The following EIF3L variants were observed in gnomAD, a reference collection of about 807,000 sequenced individuals.
EIF3L encodes eukaryotic translation initiation factor 3 subunit L.
EIF3L carries 32 observed loss-of-function variants against 74.6 expected under a neutral mutation model. The observed-to-expected ratio is 0.43, with a 90% confidence interval of 0.32 to 0.58. EIF3L has a LOEUF of 0.58. EIF3L is among the 20% of genes least tolerant of loss of function. The pLI is 0.06. For synonymous variants in EIF3L, 256 were observed against 254.4 expected (o/e 1.01, Z -0.06); for missense variants, 474 against 707.8 (o/e 0.67, Z 3.75).
rs2301457 is a variant in EIF3L, at chr22:37,858,587, A to C, written c.374-92A>C. On this transcript the variant is annotated intron_variant, in intron 4 of 12. Coordinates refer to ENST00000652021, the MANE Select transcript of EIF3L (RefSeq NM_016091.4). Reference sequence around the variant, plus strand: ...AATTTAGATGTTGTTTAGTCTTCAGAATTACCTTTATTCCTCCCCACCAAA... The same window carrying C: ...AATTTAGATGTTGTTTAGTCTTCAGCATTACCTTTATTCCTCCCCACCAAA... 1.3e-3 allele frequency: 1,489 copies of C among 1,145,068 alleles called. 17 individuals carry two copies. In the East Asian group the frequency reaches 0.03, roughly 23 times the overall value. The allele number at this position is 1,145,068 out of a possible 1,614,324, so 70.9% of individuals were successfully genotyped here.
At chr22:37,851,537 T>G (rs1925222061) in intron 3 of EIF3L, 47 bp downstream of exon 3, 3 of 1,330,794 alleles carry the variant, frequency 2.3e-6, no homozygotes, top group Non-Finnish European at 2.0e-6. Flanking sequence ...GGGACTGGCC[T>G]GGTAATATAG....
At chr22:37,857,130 G>C (rs1291100997) in intron 4 of EIF3L, among the ~76,000 whole-genome samples, 1 of 151,876 alleles carries the variant, frequency 6.6e-6, no homozygotes, top group Non-Finnish European at 1.5e-5. Context: ...GGGAGGTGAA[G>C]GTGGACGGAT....
intron 7 of EIF3L, among the ~76,000 whole-genome samples, chr22:37,868,281 T>G (rs970076497): frequency 7.6e-5 from 10 of 132,336 alleles, no homozygotes; most frequent in Non-Finnish European, 1.3e-4. Flanking sequence ...GCCCTGCTAA[T>G]TTTTTTTTTT....
chr22:37,867,977 GA>G (rs539214194), intron 7 of EIF3L, among the ~76,000 whole-genome samples: 16 of 147,016 alleles, frequency 1.1e-4, no homozygotes, highest in Non-Finnish European at 2.3e-4. Context: ...AAAAGAAAAA[GA>G]AAAAAAAATC....
Position 37,878,031 on chromosome 22 carries a change from C to T in EIF3L, c.1435C>T (p.Leu479=). 6.2e-7 allele frequency: 1 copy of T among 1,613,996 alleles called. No homozygotes were observed. The highest frequency in any genetic ancestry group is 8.5e-7 in the Non-Finnish European group (1 of 1,180,026). Residue 479 remains leucine, a synonymous_variant, in exon 11 of 13, where the codon CTG becomes TTG. Coordinates refer to ENST00000652021, the MANE Select transcript of EIF3L (RefSeq NM_016091.4). The part of the protein sequence containing the change: ...TMPVAKLAGF[L]DLTEQEFRIQ... Reference sequence around the variant, plus strand: ...GCCTGTGGCCAAGCTGGCTGGCTTCCTGGACCTCACAGAGCAGGAGTTCCG... The same window carrying T: ...GCCTGTGGCCAAGCTGGCTGGCTTCTTGGACCTCACAGAGCAGGAGTTCCG...
rs1362406495 is a variant in EIF3L, at chr22:37,870,216, A to T, written c.620A>T (p.Lys207Met). The T allele has an allele frequency of 2.5e-6, 4 of 1,613,662 alleles. No individual in the cohort carries two copies. Among genetic ancestry groups the T allele is most frequent in the Non-Finnish European group, 3.4e-6 (4 of 1,179,766 alleles). Residue 207 changes from lysine to methionine, a missense_variant, in exon 8 of 13, where the codon AAG becomes ATG. By Grantham distance (95) the Lys-to-Met change is moderately conservative (BLOSUM62 -1). Transcript: ENST00000652021. ...CAGTACCGCTGTAAGACTGCCAAGA[A>T]GTCAGAGGAGGAGATTGACTTTCTT... ...FSQYRCKTAK[K>M]SEEEIDFLRS...
At position 37,875,825 on chromosome 22, in the gene EIF3L, C is replaced by T. The variant is rs758629617; in HGVS notation, c.907-16C>T. ...GAATTGGGACTCATGAATGTTTGTTCTACCTCCTTCTACAGAGTATGTATT... is the reference window on the plus strand; with the variant it reads ...GAATTGGGACTCATGAATGTTTGTTTTACCTCCTTCTACAGAGTATGTATT... On this transcript the variant is annotated splice_polypyrimidine_tract_variant and intron_variant, in intron 9 of 12. Transcript: ENST00000652021. 7.5e-6 allele frequency: 12 copies of T among 1,606,826 alleles called. No individual in the cohort carries two copies. Among genetic ancestry groups the T allele is most frequent in the Non-Finnish European group, 1.0e-5 (12 of 1,174,766 alleles).
chr22:37,866,109 A>G (rs778723833), intron 7 of EIF3L, among the ~76,000 whole-genome samples: 12 of 152,196 alleles, frequency 7.9e-5, no homozygotes, highest in Non-Finnish European at 1.5e-4. Context: ...CAGAGGTATC[A>G]ATTACTGTCT....
In EIF3L at chr22:37,851,585, T is replaced by C. The variant is rs763847846; in HGVS notation, c.293+95T>C. 1.5e-5 allele frequency: 5 copies of C among 335,624 alleles called. No homozygotes were observed. The Admixed American group carries it at 2.0e-4, about 14-fold the overall frequency. The allele number at this position is 335,624 out of a possible 1,614,324, so 20.8% of individuals were successfully genotyped here. On this transcript the variant is annotated intron_variant, in intron 3 of 12. Coordinates refer to ENST00000652021, the MANE Select transcript of EIF3L (RefSeq NM_016091.4). Reference sequence around the variant, plus strand: ...AGGTGAGCACTCTGTAAACAGTACTTTCGGGGGGGTTGGGGGGTGGGGGTC... The same window carrying C: ...AGGTGAGCACTCTGTAAACAGTACTCTCGGGGGGGTTGGGGGGTGGGGGTC...
chr22:37,879,000 G>A (rs1165373273), intron 11 of EIF3L: 1 of 144,298 alleles, frequency 6.9e-6, no homozygotes, highest in Non-Finnish European at 1.5e-5. Context: ...CTAGAGTGCA[G>A]TGGTGCAATC....
chr22:37,886,741 C>A, intron 11 of EIF3L, 24 bp from the exon 12 acceptor site: 5 of 1,601,588 alleles, frequency 3.1e-6, no homozygotes, highest in Non-Finnish European at 3.4e-6. Context: ...GGCTGCTCTT[C>A]CCTGACTGTG....
At chr22:37,875,803 T>C (rs1055377554) in intron 9 of EIF3L, 38 bp from the exon 10 acceptor site, 4 of 1,590,136 alleles carry the variant, frequency 2.5e-6, no homozygotes, top group Non-Finnish European at 3.4e-6. Flanking sequence ...CTAGGATGAA[T>C]TGGGACTCAT....
intron 7 of EIF3L, among the ~76,000 whole-genome samples, chr22:37,863,638 C>A (rs985316995): frequency 1.3e-5 from 2 of 152,110 alleles, no homozygotes; most frequent in African/African-American, 4.8e-5. Context: ...GGCTTTGGAG[C>A]GAGGTGGAAG....
chr22:37,868,843 T>C (rs1926323301), intron 7 of EIF3L, among the ~76,000 whole-genome samples: 1 of 151,768 alleles, frequency 6.6e-6, no homozygotes, highest in Non-Finnish European at 1.5e-5. Context: ...GGTTTCTCCA[T>C]GTTGGTCAGG....
chr22:37,869,198 A>G (rs1467697995), intron 7 of EIF3L, among the ~76,000 whole-genome samples: 2 of 151,976 alleles, frequency 1.3e-5, no homozygotes, highest in Admixed American at 6.6e-5. Context: ...GCACAACCTC[A>G]CCTCACTGTA....
At chr22:37,850,335 T>C (rs1258235614) in intron 2 of EIF3L, among the ~76,000 whole-genome samples, 1 of 152,020 alleles carries the variant, frequency 6.6e-6, no homozygotes, top group Non-Finnish European at 1.5e-5. Flanking sequence ...TTTGTTTTTG[T>C]TTTTGTTTTT....
Position 37,868,634 on chromosome 22 carries a change from CTTTTTTTTTTT to C in EIF3L, c.580-1527_580-1517del, listed in dbSNP as rs71195065. ...ACACCTGGCTATTTTTGTTTTGGTGCTTTTTTTTTTTTTTTTTTTTTTTTTGAGACGGAGTT... is the reference window on the plus strand; with the variant it reads ...ACACCTGGCTATTTTTGTTTTGGTGCTTTTTTTTTTTTTTGAGACGGAGTT... On this transcript the variant is annotated intron_variant, in intron 7 of 12. Transcript: ENST00000652021. Among the ~76,000 whole-genome samples the C allele has an allele frequency of 0.013, 322 of 25,128 alleles. 41 individuals are homozygous for C. In the Admixed American group the frequency reaches 0.14, roughly 11 times the overall value. The allele number at this position is 25,128 out of a possible 152,430, so 16.5% of individuals were successfully genotyped here.
chr22:37,861,286 G>A (rs1006143786), intron 5 of EIF3L, among the ~76,000 whole-genome samples: 7 of 152,092 alleles, frequency 4.6e-5, no homozygotes, highest in African/African-American at 7.2e-5. Context: ...TTGGCCACAG[G>A]AGCCACTGTC....
At chr22:37,874,578 G>C (rs771896583) in intron 9 of EIF3L, 54 bp downstream of exon 9, 235 of 1,583,126 alleles carry the variant, frequency 1.5e-4, no homozygotes, top group Non-Finnish European at 1.8e-4. Context: ...TCTATTTCTA[G>C]AGAACCACTC....
Sources: allele counts gnomAD v4.1 joint callset (sites outside exome capture counted in the v4.1 genomes callset), GRCh38; gene constraint gnomAD v4.1.1; transcripts MANE v1.5; gene names NCBI Gene and HGNC (gene_info 2026-07-23, HGNC 2026-07-21).